The following HIBCH variants were observed in gnomAD, a reference collection of about 807,000 sequenced individuals.
HIBCH encodes the protein 3-hydroxyisobutyryl-CoA hydrolase, mitochondrial.
A neutral mutation model predicts 58.2 loss-of-function variants in HIBCH; 50 were observed. The observed-to-expected ratio is 0.86, with a 90% CI of 0.68 to 1.09. HIBCH has a LOEUF of 1.09. HIBCH is among the 50% of genes least tolerant of loss of function. The pLI, the probability that HIBCH is intolerant of heterozygous loss-of-function variation, is 0.00. For missense variants in HIBCH, 450 were observed against 449.7 expected, an observed-to-expected ratio of 1.00 and a Z score of -0.01; for synonymous variants, 151 against 146.9, an observed-to-expected ratio of 1.03 and a Z score of -0.20.
rs1431847354 is a variant in HIBCH, at chr2:190,234,603, A to G, written c.891+10284T>C. The stretch of plus-strand genomic sequence containing the variant: ...AAACAATCACACCTGTAATCCCAGC[A>G]CTTTGGGAGGCCAAGGCGGGTGGAT... On this transcript the variant is annotated intron_variant, in intron 11 of 13. Transcript: ENST00000359678. 2.6e-5 allele frequency among the ~76,000 whole-genome samples: 4 copies of G among 152,192 alleles called. No individual in the cohort carries two copies. In the East Asian group the frequency reaches 7.7e-4, roughly 29 times the overall value.
chr2:190,277,600 C>G (rs189155020), intron 6 of HIBCH, among the ~76,000 whole-genome samples: 515 of 152,296 alleles, frequency 3.4e-3, no homozygotes, highest in African/African-American at 0.012. Flanking sequence ...CTGAGACTGT[C>G]TCTCTGCACT....
intron 2 of HIBCH, among the ~76,000 whole-genome samples, chr2:190,301,678 A>G (rs1688266038): frequency 6.6e-6 from 1 of 152,198 alleles, no homozygotes; most frequent in Non-Finnish European, 1.5e-5. Flanking sequence ...AAACTGGGTA[A>G]TTTATAAAGA....
At chr2:190,274,901 A>C (rs1687506742) in intron 6 of HIBCH, among the ~76,000 whole-genome samples, 1 of 152,228 alleles carries the variant, frequency 6.6e-6, no homozygotes, top group East Asian at 1.9e-4. Flanking sequence ...TTACAAATAG[A>C]GATTTCCTTT....
chr2:190,201,099 G>T (rs1439792521), downstream of HIBCH: 2 of 166,998 alleles, frequency 1.2e-5, no homozygotes, highest in South Asian at 2.1e-4. Context: ...AAACGGAAAA[G>T]ATAAAACTGT....
At chr2:190,296,185 C>G (rs992221220) in intron 3 of HIBCH, among the ~76,000 whole-genome samples, 1 of 152,156 alleles carries the variant, frequency 6.6e-6, no homozygotes, top group Non-Finnish European at 1.5e-5. Flanking sequence ...CTTTGGGAGG[C>G]CGAGGCAGAT....
intron 11 of HIBCH, among the ~76,000 whole-genome samples, chr2:190,222,583 G>A (rs944657566): frequency 2.6e-5 from 4 of 152,104 alleles, no homozygotes; most frequent in African/African-American, 9.7e-5. Context: ...ACCATTTCAC[G>A]CCAGTCAGAA....
rs373379302 is a variant in HIBCH, at chr2:190,197,851, TCTGATGGTTCCA to T, written c.*17+7237_*17+7248del. Among the ~76,000 whole-genome samples the T allele has an allele frequency of 4.5e-3, 688 of 152,330 alleles. 5 individuals carry two copies. The highest frequency in any genetic ancestry group is 0.016 in the African/African-American group (649 of 41,568). On this transcript the variant is annotated intron_variant, in intron 1 of 1. Transcript: ENST00000399855. This position sits in a 1 kb window ranked among gnomAD's most constrained non-coding sequence, Gnocchi z 4.0. ...CAAAAGGTCTTAAAAAACAGAATAT[TCTGATGGTTCCA>T]CTGATGGTTCCACTCACAGCCTTTT...
intron 8 of HIBCH, chr2:190,251,595 T>A (rs1211236261): frequency 2.3e-6 from 1 of 434,332 alleles, no homozygotes; most frequent in Admixed American, 2.6e-5. Flanking sequence ...AGAGGCTAAG[T>A]TCCAATTAAG....
At chr2:190,275,219 G>C (rs1207161034) in intron 6 of HIBCH, among the ~76,000 whole-genome samples, 1 of 152,178 alleles carries the variant, frequency 6.6e-6, no homozygotes, top group Non-Finnish European at 1.5e-5. Flanking sequence ...GGAGAGAGAG[G>C]AGGAGAGAAG....
In HIBCH at chr2:190,212,936, T is replaced by A. The variant is rs1289490329; in HGVS notation, c.1011+20A>T. 3.6e-6 allele frequency: 5 copies of A among 1,393,420 alleles called. No individual in the cohort carries two copies. Among genetic ancestry groups the A allele is most frequent in the Non-Finnish European group, 4.9e-6 (5 of 1,011,824 alleles). The allele number at this position is 1,393,420 out of a possible 1,614,324, so 86.3% of individuals were successfully genotyped here. A position where few individuals can be genotyped will look rare whatever the true frequency, so the allele number is the denominator to read the frequency against. On this transcript the variant is annotated intron_variant, in intron 12 of 13. Transcript: ENST00000359678. Reference sequence around the variant, plus strand: ...TTACTTTTAGAACTAAAAAATGACATTTTTTTTTTAAATTCTTACCATACA... The same window carrying A: ...TTACTTTTAGAACTAAAAAATGACAATTTTTTTTTAAATTCTTACCATACA...
chr2:190,233,111 T>C (rs1686158340), intron 11 of HIBCH, among the ~76,000 whole-genome samples: 1 of 152,134 alleles, frequency 6.6e-6, no homozygotes. Flanking sequence ...TCCAATATTG[T>C]TGAGAAACCT....
intron 11 of HIBCH, 97 bp from the exon 12 acceptor site, chr2:190,213,172 C>A: frequency 2.9e-6 from 3 of 1,033,108 alleles, no homozygotes; most frequent in South Asian, 2.6e-5. Flanking sequence ...TTAAAATATG[C>A]CAAAATCTCA....
At chr2:190,305,955 G>A (rs74882589) in intron 2 of HIBCH, among the ~76,000 whole-genome samples, 1,682 of 152,280 alleles carry the variant, frequency 0.011, 38 homozygotes, top group African/African-American at 0.038. Context: ...CTGATTTAGT[G>A]TCTATCTTTC....
At chr2:190,294,152 G>A (rs1390479483) in intron 4 of HIBCH, among the ~76,000 whole-genome samples, 2 of 151,214 alleles carry the variant, frequency 1.3e-5, no homozygotes, top group Non-Finnish European at 2.9e-5. Flanking sequence ...ATATGTGAGA[G>A]CATGTCATAT....
chr2:190,289,222 TTCA>T (rs59489573), intron 5 of HIBCH, among the ~76,000 whole-genome samples: 2,251 of 152,274 alleles, frequency 0.015, 32 homozygotes, highest in South Asian at 0.055. Flanking sequence ...AGTAATTATT[TTCA>T]TCAATTCATA....
rs1224377453 is a variant in HIBCH at position 190,254,046 on chromosome 2, C to A, written c.518-1739G>T. Among the ~76,000 whole-genome samples the A allele has an allele frequency of 6.6e-6, 1 of 152,094 alleles. No individual in the cohort carries two copies. The highest frequency in any genetic ancestry group is 2.4e-5 in the African/African-American group (1 of 41,416). ...CAAGGTGCCTAAGCTCCATATTAGG[C>A]TACCTCCTCTTTCCTATATATACAT... On this transcript the variant is annotated intron_variant, in intron 7 of 13. Coordinates refer to ENST00000359678, the MANE Select transcript of HIBCH (RefSeq NM_014362.4). The surrounding 1 kb of genome is among the most constrained non-coding windows in gnomAD (Gnocchi z 5.0).
intron 6 of HIBCH, among the ~76,000 whole-genome samples, chr2:190,270,344 C>A (rs150803768): frequency 3.3e-5 from 5 of 149,584 alleles, no homozygotes; most frequent in Non-Finnish European, 3.0e-5. Flanking sequence ...ATACTAATGG[C>A]AAGATTAATC....
At chr2:190,270,081 A>T (rs567277945) in intron 6 of HIBCH, among the ~76,000 whole-genome samples, 69 of 152,220 alleles carry the variant, frequency 4.5e-4, no homozygotes, top group African/African-American at 1.6e-3. Context: ...GTGAGGAGCA[A>T]GGGGAGGCAG....
chr2:190,238,819 GGTT>G (rs757815127), intron 11 of HIBCH, among the ~76,000 whole-genome samples: 56 of 152,256 alleles, frequency 3.7e-4, no homozygotes, highest in Non-Finnish European at 7.4e-4. Context: ...TTTTTGATGG[GGTT>G]GTTTTTTTCT....
Sources: allele counts gnomAD v4.1 joint callset (sites outside exome capture counted in the v4.1 genomes callset), GRCh38; gene constraint gnomAD v4.1.1; non-coding constraint Gnocchi (gnomAD v3.1); transcripts MANE v1.5; gene names NCBI Gene and HGNC (gene_info 2026-07-23, HGNC 2026-07-21).